Variants in SND1 observed in about 807,000 individuals in gnomAD.
SND1 encodes staphylococcal nuclease and tudor domain containing 1, also known as staphylococcal nuclease domain-containing protein 1.
SND1 carries 38 observed loss-of-function variants against 121.7 expected under a neutral mutation model. The ratio of observed to expected loss-of-function variants is 0.31; its 90% confidence interval spans 0.24 to 0.41. SND1 has a LOEUF of 0.41. SND1 is among the 10% of genes least tolerant of loss of function. The probability of loss-of-function intolerance (pLI) is 1.00; values close to 1 mark genes in which losing one functional copy is unlikely to be tolerated. For synonymous variants in SND1, 401 were observed against 447.4 expected, an observed-to-expected ratio of 0.90 and a Z score of 1.31; for missense variants, 868 against 1,184.6, an observed-to-expected ratio of 0.73 and a Z score of 3.92.
At chr7:128,031,070 A>AGGGG (rs1792578753) in intron 16 of SND1, 4 of 132,230 alleles carry the variant, frequency 3.0e-5, no homozygotes, top group South Asian at 2.6e-4. Flanking sequence ...GAGGGGAGGG[A>AGGGG]AGGGGTGGGG....
At chr7:127,921,779 A>AC (rs1307296405) in intron 14 of SND1, among the ~76,000 whole-genome samples, 27 of 152,294 alleles carry the variant, frequency 1.8e-4, no homozygotes, top group African/African-American at 6.3e-4. Flanking sequence ...TTTCTGTTTA[A>AC]CTATAGTTTA....
chr7:127,934,607 GGAGTGGGGGGTGGTGTT>G (rs1352450225), intron 15 of SND1, among the ~76,000 whole-genome samples: 3 of 152,098 alleles, frequency 2.0e-5, no homozygotes, highest in Non-Finnish European at 4.4e-5. Flanking sequence ...TTTTTGGTCA[GGAGTGGGGGGTGGTGTT>G]GAGTGGAGGG....
At chr7:127,904,598 A>G (rs1303185753) in intron 13 of SND1, 149 bp from the exon 14 acceptor site, 5 of 547,266 alleles carry the variant, frequency 9.1e-6, no homozygotes, top group Non-Finnish European at 1.0e-5. Flanking sequence ...CCTCTTGCAC[A>G]GACTGGCTAC....
chr7:127,995,275 G>T (rs1383808783), intron 16 of SND1, among the ~76,000 whole-genome samples: 1 of 152,232 alleles, frequency 6.6e-6, no homozygotes, highest in East Asian at 1.9e-4. Flanking sequence ...TGAGATTATT[G>T]TATCTGTTGG....
chr7:127,712,345 G>A (rs575488192), intron 9 of SND1, among the ~76,000 whole-genome samples: 10 of 152,222 alleles, frequency 6.6e-5, no homozygotes, highest in Admixed American at 6.5e-4. Flanking sequence ...TTTTTGTAGA[G>A]ATGAGGTCTC....
At chr7:128,020,477 A>G (rs143012575) in intron 16 of SND1, among the ~76,000 whole-genome samples, 2 of 152,334 alleles carry the variant, frequency 1.3e-5, no homozygotes, top group African/African-American at 4.8e-5. Flanking sequence ...ACACCTGGGC[A>G]AGGCACATCT....
intron 4 of SND1, among the ~76,000 whole-genome samples, chr7:127,699,736 C>T (rs76852738): frequency 6.6e-6 from 1 of 152,268 alleles, no homozygotes; most frequent in Non-Finnish European, 1.5e-5. Flanking sequence ...CTGAAAAGTG[C>T]TACATCTATA....
chr7:127,973,844 C>G (rs904829264), intron 15 of SND1, among the ~76,000 whole-genome samples: 1 of 152,198 alleles, frequency 6.6e-6, no homozygotes, highest in Admixed American at 6.5e-5. Flanking sequence ...TCCAAATTGC[C>G]TTTGTTTCTA....
intron 11 of SND1, among the ~76,000 whole-genome samples, chr7:127,832,855 A>G (rs1798787169): frequency 6.6e-6 from 1 of 152,248 alleles, no homozygotes; most frequent in African/African-American, 2.4e-5. Flanking sequence ...CAGCAGCAGC[A>G]TTAGATTCTC....
chr7:127,943,192 A>G (rs531191616), intron 15 of SND1, among the ~76,000 whole-genome samples: 3 of 152,142 alleles, frequency 2.0e-5, no homozygotes, highest in Non-Finnish European at 4.4e-5. Flanking sequence ...TTTTGATTCT[A>G]TTAATCATTG....
At chr7:128,077,290 C>T (rs1487918476) in intron 17 of SND1, among the ~76,000 whole-genome samples, 2 of 152,222 alleles carry the variant, frequency 1.3e-5, no homozygotes, top group Non-Finnish European at 2.9e-5. Context: ...AGAGAAGGAC[C>T]TGGGACTCCC....
chr7:127,787,915 C>T (rs992752741), intron 10 of SND1, among the ~76,000 whole-genome samples: 1 of 152,202 alleles, frequency 6.6e-6, no homozygotes, highest in South Asian at 2.1e-4. Context: ...CTGAAGGGAT[C>T]TAACTTTGAT....
chr7:127,867,500 T>C (rs186529114), intron 12 of SND1, among the ~76,000 whole-genome samples: 1 of 152,202 alleles, frequency 6.6e-6, no homozygotes, highest in African/African-American at 2.4e-5. Context: ...ATTCAACTGC[T>C]GTTCCTTTAC....
At chr7:127,779,899 CCTTTGTGTCAGAAGTAATCT>C (rs1212084468) in intron 10 of SND1, among the ~76,000 whole-genome samples, 1 of 152,210 alleles carries the variant, frequency 6.6e-6, no homozygotes. Flanking sequence ...CTTCTCTGGT[CCTTTGTGTCAGAAGTAATCT>C]CTTACTGAGC....
chr7:127,768,636 A>G (rs1231939754), intron 10 of SND1, among the ~76,000 whole-genome samples: 2 of 152,202 alleles, frequency 1.3e-5, no homozygotes, highest in East Asian at 1.9e-4. Context: ...GCTTGTATAG[A>G]TGGTGCTCAT....
intron 16 of SND1, chr7:128,028,841 T>A (rs1792481535): frequency 6.2e-7 from 1 of 1,614,064 alleles, no homozygotes; most frequent in Admixed American, 1.7e-5. Context: ...GGTCATGAAT[T>A]GTGGGCAGCA....
chr7:127,970,064 A>G (rs966588738), intron 15 of SND1, among the ~76,000 whole-genome samples: 1 of 152,218 alleles, frequency 6.6e-6, no homozygotes, highest in African/African-American at 2.4e-5. Context: ...CCAGTAGTCT[A>G]TATAGTCACT....
At chr7:127,818,805 C>G (rs1393013283) in intron 11 of SND1, among the ~76,000 whole-genome samples, 1 of 151,978 alleles carries the variant, frequency 6.6e-6, no homozygotes, top group Non-Finnish European at 1.5e-5. Context: ...AAAAAGACAC[C>G]AAAAGAAAAG....
chr7:128,034,103 C>T (rs1792704166), intron 16 of SND1, among the ~76,000 whole-genome samples: 1 of 152,144 alleles, frequency 6.6e-6, no homozygotes, highest in Admixed American at 6.5e-5. Context: ...CCTTTCCATC[C>T]AGCCTTCAAA....
Sources: allele counts gnomAD v4.1 joint callset (sites outside exome capture counted in the v4.1 genomes callset), GRCh38; gene constraint gnomAD v4.1.1; transcripts MANE v1.5; gene names NCBI Gene and HGNC (gene_info 2026-07-23, HGNC 2026-07-21).